Variants in TREM1 observed in about 807,000 individuals in gnomAD.
TREM1 encodes the protein triggering receptor expressed on monocytes 1.
Under a neutral mutation model 22.4 loss-of-function variants are expected in TREM1, and 16 were observed. The observed-to-expected ratio is 0.71, with a 90% CI of 0.48 to 1.08. The LOEUF (loss-of-function observed/expected upper bound fraction) is 1.08. Among genes scored for constraint, TREM1 ranks in the 50% least tolerant of loss-of-function variants. TREM1 has a pLI of 0.00. For missense variants in TREM1, 283 were observed against 282.9 expected, an observed-to-expected ratio of 1.00 and a Z score of 0.00; for synonymous variants, 110 against 111.6, an observed-to-expected ratio of 0.99 and a Z score of 0.09.
Position 41,282,693 on chromosome 6 carries a change from G to A in TREM1, c.108C>T (p.Thr36=). Residue 36 remains threonine, a synonymous_variant, in exon 2 of 4, where the codon ACC becomes ACT. Transcript: ENST00000244709. The part of the protein sequence containing the change: ...EEKYELKEGQ[T]LDVKCDYTLE... The stretch of plus-strand genomic sequence containing the variant: ...GCGTGTAGTCACATTTCACATCCAG[G>A]GTCTGCCCCTCTTTCAGTTCATACT... 6.2e-7 allele frequency: 1 copy of A among 1,614,074 alleles called. No homozygotes were observed. The highest frequency in any genetic ancestry group is 1.1e-5 in the South Asian group (1 of 91,070).
rs908011285 is a variant in TREM1, at chr6:41,274,436, T to C, written c.*1689A>G. Among the ~76,000 whole-genome samples the C allele has an allele frequency of 4.6e-5, 7 of 152,136 alleles. No homozygotes were observed. The highest frequency in any genetic ancestry group is 1.4e-4 in the African/African-American group (6 of 41,428). On this transcript the variant is annotated 3_prime_UTR_variant, in exon 4 of 4. Coordinates refer to ENST00000244709, the MANE Select transcript of TREM1 (RefSeq NM_018643.5). ...TGCCCTGGTCACTTTGTCAACTTCATAAACAGGAACAATGCTGGGATTGCT... is the reference window on the plus strand; with the variant it reads ...TGCCCTGGTCACTTTGTCAACTTCACAAACAGGAACAATGCTGGGATTGCT...
downstream of TREM1, among the ~76,000 whole-genome samples, chr6:41,272,270 T>C (rs2113970498): frequency 6.6e-6 from 1 of 152,222 alleles, no homozygotes; most frequent in South Asian, 2.1e-4. Flanking sequence ...ATGGTGAGTC[T>C]AGACCCACCC....
downstream of TREM1, chr6:41,270,349 G>A (rs1290366736): frequency 6.6e-6 from 1 of 152,062 alleles, no homozygotes; most frequent in Non-Finnish European, 1.5e-5. Context: ...TAGCTCCTCT[G>A]TCAAGCATGT....
At chr6:41,282,370 T>TC in intron 2 of TREM1, 25 bp downstream of exon 2, 1 of 1,566,930 alleles carries the variant, frequency 6.4e-7, no homozygotes, top group Non-Finnish European at 8.7e-7. Context: ...GGCCCTTCTT[T>TC]CCCCCCAAGT....
intron 1 of TREM1, 48 bp from the exon 2 acceptor site, chr6:41,282,799 T>A: frequency 6.7e-7 from 1 of 1,500,756 alleles, no homozygotes; most frequent in Non-Finnish European, 9.0e-7. Flanking sequence ...TATTTTTCTC[T>A]CTCTGAGTGG....
At chr6:41,282,357 C>T (rs1347454529) in intron 2 of TREM1, 38 bp downstream of exon 2, 7 of 1,527,730 alleles carry the variant, frequency 4.6e-6, no homozygotes, top group Non-Finnish European at 6.3e-6. Context: ...CCTTTCCTCA[C>T]CTGGCCCTTC....
downstream of TREM1, chr6:41,267,899 G>T: frequency 2.5e-6 from 1 of 398,568 alleles, no homozygotes; most frequent in Non-Finnish European, 4.4e-6. Flanking sequence ...CAGCATGTTT[G>T]CATTTTTGTT....
At position 41,283,398 on chromosome 6, in the gene TREM1, A is replaced by T. The variant is rs199908999; in HGVS notation, c.50-647T>A. On this transcript the variant is annotated intron_variant, in intron 1 of 3. Transcript: ENST00000244709. ...ATTCTCAAGGATGGGCACAGGACAC[A>T]GGATTTGCCAATCCAAGTACCCCAT... Among the ~76,000 whole-genome samples, 622 of 152,284 alleles carry T rather than the reference A, an allele frequency of 4.1e-3. 7 individuals are homozygous for T. The highest frequency in any genetic ancestry group is 0.029 in the South Asian group (139 of 4,828).
chr6:41,279,532 C>G, intron 3 of TREM1: 1 of 985,242 alleles, frequency 1.0e-6, no homozygotes, highest in Middle Eastern at 5.2e-4. Flanking sequence ...AAAATTGACT[C>G]TTAGTAGATC....
Position 41,282,508 on chromosome 6 carries a change from A to G in TREM1, c.293T>C (p.Val98Ala). 1 of 1,614,128 alleles carries G rather than the reference A, an allele frequency of 6.2e-7. No homozygotes were observed. The highest frequency in any genetic ancestry group is 8.5e-7 in the Non-Finnish European group (1 of 1,180,038). Residue 98 changes from valine (V) to alanine (A), a missense_variant, in exon 2 of 4, where the codon GTC becomes GCC. Transcript: ENST00000244709. Reference protein sequence around the residue: ...EDYHDHGLLRVRMVNLQVEDS... With the variant: ...EDYHDHGLLRARMVNLQVEDS... ...TTCCACTTGAAGGTTGACCATTCGG[A>G]CGCGCAGTAAACCATGATCATGGTA... is the stretch of plus-strand genomic sequence containing the variant.
chr6:41,279,618 C>T, intron 3 of TREM1: 1 of 985,310 alleles, frequency 1.0e-6, no homozygotes, highest in Non-Finnish European at 1.2e-6. Flanking sequence ...AAAGGCACTG[C>T]CACTACCCAT....
intron 1 of TREM1, 147 bp from the exon 2 acceptor site, chr6:41,282,898 G>T: frequency 2.7e-6 from 2 of 731,156 alleles, no homozygotes; most frequent in East Asian, 2.5e-5. Flanking sequence ...AATACAACTT[G>T]CCCTGCAAGC....
chr6:41,285,269 A>C (rs1170413414), intron 1 of TREM1, among the ~76,000 whole-genome samples: 1 of 152,220 alleles, frequency 6.6e-6, no homozygotes, highest in Non-Finnish European at 1.5e-5. Context: ...AATTCCTTTG[A>C]ATATGTTAAT....
chr6:41,269,222 C>T (rs1027254296), downstream of TREM1, among the ~76,000 whole-genome samples: 3 of 152,148 alleles, frequency 2.0e-5, no homozygotes, highest in African/African-American at 4.8e-5. Flanking sequence ...GGAAGGCTTG[C>T]TAACAAAGGA....
intron 3 of TREM1, 123 bp from the exon 4 acceptor site, chr6:41,276,353 G>A (rs149453801): frequency 1.6e-4 from 114 of 714,360 alleles, no homozygotes; most frequent in Admixed American, 5.6e-4. Context: ...CACCTTTCCC[G>A]CACTGCCTGA....
chr6:41,285,256 G>C (rs561582375), intron 1 of TREM1, among the ~76,000 whole-genome samples: 1 of 152,304 alleles, frequency 6.6e-6, no homozygotes, highest in East Asian at 1.9e-4. Flanking sequence ...ATTGCAAGAA[G>C]GGAATTCCTT....
intron 2 of TREM1, chr6:41,281,372 A>G: frequency 1.9e-6 from 1 of 535,580 alleles, no homozygotes; most frequent in Non-Finnish European, 3.2e-6. Context: ...AACCTGAGTC[A>G]GAAATCGAAA....
At chr6:41,273,050 C>T (rs888395168), downstream of TREM1, among the ~76,000 whole-genome samples, 2 of 152,214 alleles carry the variant, frequency 1.3e-5, no homozygotes, top group Non-Finnish European at 2.9e-5. Context: ...AGGCACGTGA[C>T]TTGACCTAAG....
intron 3 of TREM1, among the ~76,000 whole-genome samples, chr6:41,268,310 T>C (rs1767386886): frequency 6.6e-6 from 1 of 152,248 alleles, no homozygotes; most frequent in Non-Finnish European, 1.5e-5. Flanking sequence ...TGGCACTGCC[T>C]GTTATTTATG....
Sources: allele counts gnomAD v4.1 joint callset (sites outside exome capture counted in the v4.1 genomes callset), GRCh38; gene constraint gnomAD v4.1.1; transcripts MANE v1.5; gene names NCBI Gene and HGNC (gene_info 2026-07-23, HGNC 2026-07-21).